Variants in FRAS1 observed in about 807,000 individuals in gnomAD.
The protein encoded by FRAS1 is Fraser extracellular matrix complex subunit 1.
FRAS1 carries 290 observed loss-of-function variants against 435.2 expected under a neutral mutation model. The ratio of observed to expected loss-of-function variants is 0.67; its 90% CI spans 0.61 to 0.73. The LOEUF is 0.73. Ranked by LOEUF, FRAS1 falls within the 30% of genes least tolerant of loss-of-function variation. FRAS1 has a pLI of 0.00. For synonymous variants in FRAS1, 1,800 were observed against 1,851.0 expected (o/e 0.97, Z 0.71); for missense variants, 4,860 against 5,001.5 (o/e 0.97, Z 0.85).
chr4:78,150,435 A>G lies in FRAS1; in HGVS notation c.108+84419A>G, dbSNP rs536819219. ...CTTCTCGGAACACAGATTGGAAAAC[A>G]ACAGTCTAGACAGCATATCTTTTCA... On this transcript the variant is annotated intron_variant, in intron 2 of 73. Transcript: ENST00000512123. Among the ~76,000 whole-genome samples the G allele has an allele frequency of 2.8e-4, 43 of 152,336 alleles. 1 individual carries two copies. In the South Asian group the frequency reaches 8.9e-3, roughly 32 times the overall value.
At position 78,341,028 on chromosome 4, in the gene FRAS1, A is replaced by G. The variant is rs1383714157; in HGVS notation, c.2422+3211A>G. Among the ~76,000 whole-genome samples, 6 of 152,214 alleles carry G rather than the reference A, an allele frequency of 3.9e-5. No individual in the cohort carries two copies. The East Asian group carries it at 1.2e-3, about 29-fold the overall frequency. ...CCACAACAGAAGGGAGTGGGTGTTT[A>G]GTATGATATTGCTGTGGTACTCTGT... On this transcript the variant is annotated intron_variant, in intron 20 of 73. Coordinates refer to ENST00000512123, the MANE Select transcript of FRAS1 (RefSeq NM_025074.7).
chr4:78,248,716 A>G (rs944728516), intron 4 of FRAS1, among the ~76,000 whole-genome samples: 1 of 152,248 alleles, frequency 6.6e-6, no homozygotes, highest in Middle Eastern at 3.4e-3. Flanking sequence ...AATTATATGA[A>G]GAAAAATTGT....
At chr4:78,287,550 C>T (rs569736670) in intron 14 of FRAS1, among the ~76,000 whole-genome samples, 20 of 152,030 alleles carry the variant, frequency 1.3e-4, no homozygotes, top group Non-Finnish European at 2.4e-4. Flanking sequence ...CTAAACATAA[C>T]GGGGGGTCAG....
At chr4:78,133,533 G>A (rs1384734770) in intron 2 of FRAS1, among the ~76,000 whole-genome samples, 3 of 152,024 alleles carry the variant, frequency 2.0e-5, no homozygotes, top group Admixed American at 6.5e-5. Flanking sequence ...ATTAGATTGT[G>A]TGTAATATAA....
At chr4:78,503,542 G>A (rs955447497) in intron 61 of FRAS1, among the ~76,000 whole-genome samples, 1 of 152,154 alleles carries the variant, frequency 6.6e-6, no homozygotes, top group Admixed American at 6.5e-5. Flanking sequence ...TTGTATTTCT[G>A]TGGGATCGGT....
intron 14 of FRAS1, among the ~76,000 whole-genome samples, chr4:78,298,261 T>C (rs1193801359): frequency 1.3e-5 from 2 of 149,154 alleles, no homozygotes; most frequent in Non-Finnish European, 3.0e-5. Flanking sequence ...ATATATAAGG[T>C]ACATATTTAA....
intron 2 of FRAS1, among the ~76,000 whole-genome samples, chr4:78,150,961 G>T (rs544859927): frequency 6.6e-6 from 1 of 152,292 alleles, no homozygotes; most frequent in Non-Finnish European, 1.5e-5. Flanking sequence ...TATGCCAGAG[G>T]CCAAGGCCAA....
chr4:78,318,492 A>G (rs1481049545), intron 17 of FRAS1, among the ~76,000 whole-genome samples: 1 of 152,202 alleles, frequency 6.6e-6, no homozygotes, highest in East Asian at 1.9e-4. Flanking sequence ...TTAAATCATC[A>G]TTTAGTGAGT....
chr4:78,284,660 C>A, intron 13 of FRAS1, 112 bp downstream of exon 13: 3 of 987,964 alleles, frequency 3.0e-6, no homozygotes, highest in Admixed American at 2.9e-5. Flanking sequence ...GTCATGCATG[C>A]AGCATGTTTT....
intron 22 of FRAS1, among the ~76,000 whole-genome samples, chr4:78,365,211 T>G (rs1563258): frequency 1.3e-5 from 2 of 152,114 alleles, no homozygotes; most frequent in Non-Finnish European, 2.9e-5. Context: ...AGATTTGCAT[T>G]AGTTATATGA....
chr4:78,462,239 G>A (rs1214938153), intron 47 of FRAS1, among the ~76,000 whole-genome samples: 3 of 152,268 alleles, frequency 2.0e-5, no homozygotes, highest in Admixed American at 2.0e-4. Flanking sequence ...GGCAGGGATG[G>A]TGGCGTGTGC....
chr4:78,177,028 C>T (rs1187321825), intron 2 of FRAS1, among the ~76,000 whole-genome samples: 1 of 152,010 alleles, frequency 6.6e-6, no homozygotes, highest in Non-Finnish European at 1.5e-5. Context: ...GCAGGTTACA[C>T]ACCTCCATAG....
At chr4:78,444,835 C>G (rs546283083) in intron 41 of FRAS1, among the ~76,000 whole-genome samples, 6 of 152,038 alleles carry the variant, frequency 3.9e-5, no homozygotes, top group South Asian at 2.1e-4. Flanking sequence ...GGTACCCAAG[C>G]GCCTCAGTGC....
intron 2 of FRAS1, among the ~76,000 whole-genome samples, chr4:78,143,943 A>G (rs966679820): frequency 3.3e-5 from 5 of 151,006 alleles, no homozygotes; most frequent in African/African-American, 1.2e-4. Flanking sequence ...TAGGAAGTAC[A>G]CCTCTGAGCA....
At chr4:78,319,007 T>C (rs373495841) in intron 18 of FRAS1, 21 bp downstream of exon 18, 5 of 1,612,424 alleles carry the variant, frequency 3.1e-6, no homozygotes, top group Non-Finnish European at 4.2e-6. Context: ...TTTGAGAAAG[T>C]GTTAGGTAGC....
At chr4:78,465,730 TA>T in intron 49 of FRAS1, among the ~76,000 whole-genome samples, 1 of 152,290 alleles carries the variant, frequency 6.6e-6, no homozygotes, top group South Asian at 2.1e-4. Context: ...CATTTTGTTT[TA>T]AGTTGGTGGG....
At chr4:78,459,740 T>C (rs1222390994) in intron 47 of FRAS1, among the ~76,000 whole-genome samples, 3 of 152,008 alleles carry the variant, frequency 2.0e-5, no homozygotes, top group Non-Finnish European at 4.4e-5. Flanking sequence ...GAGATCAAGG[T>C]GTTGGTAGGA....
intron 53 of FRAS1, among the ~76,000 whole-genome samples, chr4:78,474,165 A>C (rs112311303): frequency 6.6e-6 from 1 of 152,204 alleles, no homozygotes; most frequent in African/African-American, 2.4e-5. Flanking sequence ...GTAGGAATGT[A>C]TATCTGTAGG....
At chr4:78,246,574 G>T (rs1307869003) in intron 4 of FRAS1, among the ~76,000 whole-genome samples, 1 of 152,196 alleles carries the variant, frequency 6.6e-6, no homozygotes, top group Non-Finnish European at 1.5e-5. Flanking sequence ...TGTCACAGAA[G>T]AAAATCCCTA....
Sources: gnomAD v4.1 joint callset for allele counts (sites outside exome capture counted in the v4.1 genomes callset) on GRCh38, gnomAD v4.1.1 for gene constraint, MANE v1.5 for transcripts, NCBI Gene and HGNC (gene_info 2026-07-23, HGNC 2026-07-21) for gene names.